TMEFF1: variants seen among roughly 807,000 people sequenced by gnomAD.
TMEFF1 encodes tomoregulin-1.
A neutral mutation model predicts 47.5 loss-of-function variants in TMEFF1; 20 were observed. The observed-to-expected ratio is 0.42, with a 90% CI of 0.30 to 0.61. TMEFF1 has a LOEUF of 0.61. Among genes scored for constraint, TMEFF1 ranks in the 20% least tolerant of loss-of-function variants. The pLI, the probability that TMEFF1 is intolerant of heterozygous loss-of-function variation, is 0.19. For missense variants in TMEFF1, 411 were observed against 471.1 expected (o/e 0.87, Z 1.18); for synonymous variants, 162 against 166.3 (o/e 0.97, Z 0.20).
intron 5 of TMEFF1, among the ~76,000 whole-genome samples, chr9:100,534,031 T>C (rs900785935): frequency 6.6e-6 from 1 of 152,126 alleles, no homozygotes; most frequent in African/African-American, 2.4e-5. Flanking sequence ...TCTATTCTTT[T>C]GAGCAAAAAC....
intron 5 of TMEFF1, among the ~76,000 whole-genome samples, chr9:100,540,557 C>T (rs945509001): frequency 7.2e-5 from 11 of 152,352 alleles, no homozygotes; most frequent in African/African-American, 2.4e-4. Context: ...CTTGGCCAGC[C>T]CCAGAGAGGG....
chr9:100,539,994 A>G (rs1838597660), intron 5 of TMEFF1, among the ~76,000 whole-genome samples: 1 of 151,830 alleles, frequency 6.6e-6, no homozygotes, highest in Non-Finnish European at 1.5e-5. Flanking sequence ...GTGTTTATAA[A>G]CCTTTAGCTA....
intron 4 of TMEFF1, 59 bp downstream of exon 4, chr9:100,513,392 TC>T (rs368814051): frequency 4.1e-5 from 63 of 1,521,948 alleles, no homozygotes; most frequent in South Asian, 1.0e-4. Context: ...TCTTTCTTTT[TC>T]TTTTTTTTTT....
rs550035469 is a variant in TMEFF1 at position 100,489,890 on chromosome 9, G to A, written c.197-8875G>A. 1.2e-4 allele frequency among the ~76,000 whole-genome samples: 18 copies of A among 152,274 alleles called. No homozygotes were observed. The South Asian group carries it at 3.7e-3, about 32-fold the overall frequency. ...TCTGAGATCTTTGGCTAGGATTGGC[G>A]AGGCCTGGAAAGACCCTGGGAGACT... On this transcript the variant is annotated intron_variant, in intron 1 of 9. Coordinates refer to ENST00000374879, the MANE Select transcript of TMEFF1 (RefSeq NM_003692.5).
intron 5 of TMEFF1, among the ~76,000 whole-genome samples, chr9:100,542,755 C>A (rs1466046025): frequency 6.6e-6 from 1 of 151,768 alleles, no homozygotes; most frequent in Admixed American, 6.6e-5. Context: ...TTTAGTAATC[C>A]TGTTTGGGAT....
At chr9:100,510,044 C>T (rs1315375751) in intron 3 of TMEFF1, among the ~76,000 whole-genome samples, 1 of 152,094 alleles carries the variant, frequency 6.6e-6, no homozygotes, top group African/African-American at 2.4e-5. Flanking sequence ...GAAGGCCATT[C>T]TTAGGGGATT....
rs112571207 is a variant in TMEFF1 at position 100,552,862 on chromosome 9, G to GAAA, written c.775+2702_775+2703insAAA. Among the ~76,000 whole-genome samples the GAAA allele has an allele frequency of 6.9e-5, 10 of 145,348 alleles. 1 individual carries two copies. The highest frequency in any genetic ancestry group is 6.5e-4 in the South Asian group (3 of 4,626). ...GGGCGACAAAGCAAGACACTGTTTT[G>GAAA]GAAAAAAAAAAAAAAGCATTCTAGC... is the stretch of plus-strand genomic sequence containing the variant. On this transcript the variant is annotated intron_variant, in intron 7 of 9. Transcript: ENST00000374879.
intron 5 of TMEFF1, among the ~76,000 whole-genome samples, chr9:100,526,807 T>C (rs1838261782): frequency 1.3e-5 from 2 of 151,706 alleles, no homozygotes; most frequent in Non-Finnish European, 1.5e-5. Flanking sequence ...TGGATGACTT[T>C]GTGTAAGAGT....
At chr9:100,477,041 A>T (rs2118224070) in intron 1 of TMEFF1, among the ~76,000 whole-genome samples, 2 of 152,254 alleles carry the variant, frequency 1.3e-5, no homozygotes, top group Middle Eastern at 3.4e-3. Flanking sequence ...CCCTGTAGAT[A>T]TTCATTTTTG....
chr9:100,561,578 C>G, intron 8 of TMEFF1, 58 bp downstream of exon 8: 1 of 1,536,746 alleles, frequency 6.5e-7, no homozygotes, highest in African/African-American at 1.4e-5. Flanking sequence ...GGTTGTTGCT[C>G]TATAGAAGGG....
At chr9:100,477,621 T>G (rs1200630804) in intron 1 of TMEFF1, among the ~76,000 whole-genome samples, 1 of 89,126 alleles carries the variant, frequency 1.1e-5, no homozygotes, top group African/African-American at 5.9e-5. Context: ...GCATTCCGCC[T>G]TTTTTTTTTT....
At chr9:100,510,966 A>G (rs1837953403) in intron 3 of TMEFF1, among the ~76,000 whole-genome samples, 1 of 152,144 alleles carries the variant, frequency 6.6e-6, no homozygotes, top group African/African-American at 2.4e-5. Context: ...ACTAAGTTCC[A>G]GTGTGGTCAG....
At chr9:100,519,647 CTTTTTTTTTTTTTT>C (rs60569330) in intron 5 of TMEFF1, among the ~76,000 whole-genome samples, 1,066 of 65,192 alleles carry the variant, frequency 0.016, 23 homozygotes, top group African/African-American at 0.057. Flanking sequence ...TGCCCAGTGA[CTTTTTTTTTTTTTT>C]TTTTTTTTTT....
intron 1 of TMEFF1, among the ~76,000 whole-genome samples, chr9:100,487,785 A>C (rs1442012418): frequency 6.7e-6 from 1 of 148,808 alleles, no homozygotes; most frequent in East Asian, 1.9e-4. Context: ...TTTTTTTTAA[A>C]TTCTAGGAAA....
intron 2 of TMEFF1, among the ~76,000 whole-genome samples, chr9:100,500,241 G>GGTATGGT (rs1400075747): frequency 2.6e-5 from 4 of 152,042 alleles, no homozygotes; most frequent in Admixed American, 2.6e-4. Context: ...TAAGTACTGT[G>GGTATGGT]GTATGGTTTT....
At chr9:100,555,706 A>G (rs1219173819) in intron 7 of TMEFF1, among the ~76,000 whole-genome samples, 1 of 152,168 alleles carries the variant, frequency 6.6e-6, no homozygotes, top group African/African-American at 2.4e-5. Flanking sequence ...TTTCATGTTG[A>G]GTAACCTGGC....
intron 5 of TMEFF1, among the ~76,000 whole-genome samples, chr9:100,539,656 C>A (rs564394647): frequency 3.9e-5 from 6 of 152,160 alleles, no homozygotes; most frequent in African/African-American, 1.2e-4. Flanking sequence ...GTGGCGCGGA[C>A]CCAAAGAGTG....
chr9:100,576,420 A>G (rs1314284318), intron 9 of TMEFF1, 96 bp from the exon 10 acceptor site: 9 of 1,469,614 alleles, frequency 6.1e-6, no homozygotes, highest in African/African-American at 1.4e-5. Context: ...ATGTGGCTTT[A>G]TGTGCAAAAT....
intron 2 of TMEFF1, among the ~76,000 whole-genome samples, chr9:100,500,737 A>G (rs1039228056): frequency 3.3e-5 from 5 of 152,144 alleles, no homozygotes. Context: ...GTGAGAATGG[A>G]CCATATTTTC....
Sources: allele counts gnomAD v4.1 joint callset (sites outside exome capture counted in the v4.1 genomes callset), GRCh38; gene constraint gnomAD v4.1.1; transcripts MANE v1.5; gene names NCBI Gene and HGNC (gene_info 2026-07-23, HGNC 2026-07-21).